SEL1L2: variants seen among roughly 807,000 people sequenced by gnomAD.
SEL1L2 encodes SEL1L2 adaptor subunit of SYVN1 ubiquitin ligase, also known as protein sel-1 homolog 2.
A neutral mutation model predicts 98.8 loss-of-function variants in SEL1L2; 89 were observed. The observed-to-expected ratio is 0.90, with a 90% CI of 0.76 to 1.07. The LOEUF is 1.07. SEL1L2 is among the 50% of genes least tolerant of loss of function. The pLI is 0.00. For missense variants in SEL1L2, 788 were observed against 812.0 expected, an observed-to-expected ratio of 0.97 and a Z score of 0.36; for synonymous variants, 262 against 278.5, an observed-to-expected ratio of 0.94 and a Z score of 0.59.
chr20:13,870,191 C>T lies in SEL1L2; in HGVS notation c.1117G>A (p.Gly373Ser), dbSNP rs982145207. 31 of 1,610,790 alleles carry T rather than the reference C, an allele frequency of 1.9e-5. No homozygotes were observed. The highest frequency in any genetic ancestry group is 4.5e-5 in the East Asian group (2 of 44,842). ...SMAASKGNAI[G>S]LHGLGLLYFH... ...TAAAGAAGACCAAGCCCATGAAGGC[C>T]GATTGCATTGCCCTAGAAGAGTTTT... Residue 373 changes from glycine (G) to serine (S), a missense_variant, in exon 13 of 20, where the codon GGC (glycine) becomes AGC (serine). Gly to Ser is a moderately conservative substitution (Grantham distance 56). Transcript: ENST00000284951.
chr20:13,881,569 T>C (rs1185805874), intron 10 of SEL1L2, among the ~76,000 whole-genome samples: 1 of 152,230 alleles, frequency 6.6e-6, no homozygotes, highest in African/African-American at 2.4e-5. Context: ...AATCTATGTG[T>C]AGAAAATCCA....
At chr20:13,956,701 T>A (rs2050557210) in intron 1 of SEL1L2, among the ~76,000 whole-genome samples, 1 of 152,046 alleles carries the variant, frequency 6.6e-6, no homozygotes, top group African/African-American at 2.4e-5. Context: ...TTATAAAGAC[T>A]ATATATATAT....
intron 2 of SEL1L2, among the ~76,000 whole-genome samples, chr20:13,936,500 A>G (rs1292056165): frequency 6.6e-6 from 1 of 152,152 alleles, no homozygotes; most frequent in African/African-American, 2.4e-5. Context: ...TGGCCTTTTG[A>G]GATGTCTTTT....
chr20:13,977,974 C>T (rs1395572297), intron 1 of SEL1L2, among the ~76,000 whole-genome samples: 2 of 152,104 alleles, frequency 1.3e-5, no homozygotes, highest in Non-Finnish European at 2.9e-5. Context: ...ATCCCAACAT[C>T]ATTTTTCACA....
rs572102730 is a variant in SEL1L2 at position 13,976,424 on chromosome 20, C to T, written c.58+14053G>A. 9.2e-4 allele frequency among the ~76,000 whole-genome samples: 140 copies of T among 152,114 alleles called. 4 individuals carry two copies. In the South Asian group the frequency reaches 0.028, roughly 30 times the overall value. On this transcript the variant is annotated intron_variant, in intron 1 of 19. Coordinates refer to ENST00000284951, the MANE Select transcript of SEL1L2 (RefSeq NM_025229.2). ...TTATGGCGGTGATGGGGAAGAAGAT[C>T]GGATGACAGCCCACTCCTGTTGACA...
chr20:13,893,367 CT>C (rs2047287222), intron 5 of SEL1L2, among the ~76,000 whole-genome samples: 1 of 152,136 alleles, frequency 6.6e-6, no homozygotes, highest in Admixed American at 6.5e-5. Context: ...CAGAGCAGCC[CT>C]ACTTATATCA....
intron 5 of SEL1L2, among the ~76,000 whole-genome samples, chr20:13,905,157 T>A (rs1351029128): frequency 1.3e-5 from 2 of 152,170 alleles, no homozygotes; most frequent in African/African-American, 4.8e-5. Flanking sequence ...AAACTAACAA[T>A]GGGTGATTTT....
chr20:13,903,297 T>C (rs1036600844), intron 5 of SEL1L2, among the ~76,000 whole-genome samples: 2 of 152,210 alleles, frequency 1.3e-5, no homozygotes, highest in African/African-American at 4.8e-5. Flanking sequence ...TGGTAGATGA[T>C]GATTTAGATC....
intron 1 of SEL1L2, among the ~76,000 whole-genome samples, chr20:13,961,670 C>T (rs1304338154): frequency 6.6e-6 from 1 of 152,136 alleles, no homozygotes; most frequent in Non-Finnish European, 1.5e-5. Context: ...CAAACATGGG[C>T]CATTTCTTAT....
intron 17 of SEL1L2, among the ~76,000 whole-genome samples, chr20:13,861,893 C>T (rs769268763): frequency 2.6e-5 from 4 of 152,190 alleles, no homozygotes; most frequent in Non-Finnish European, 4.4e-5. Flanking sequence ...GCGCCAATGC[C>T]ACTTCTCTCC....
chr20:13,978,002 GC>G (rs2051628557), intron 1 of SEL1L2, among the ~76,000 whole-genome samples: 1 of 151,916 alleles, frequency 6.6e-6, no homozygotes, highest in East Asian at 1.9e-4. Flanking sequence ...AAAAAAAACA[GC>G]CATTAATTTT....
intron 11 of SEL1L2, among the ~76,000 whole-genome samples, chr20:13,877,123 C>A (rs576993916): frequency 1.7e-4 from 26 of 152,280 alleles, no homozygotes; most frequent in East Asian, 3.9e-4. Context: ...CCGTGCCCGG[C>A]CAAGGTGCAC....
At chr20:13,901,071 C>CTTTTTTTTT (rs746353560) in intron 5 of SEL1L2, among the ~76,000 whole-genome samples, 4 of 133,302 alleles carry the variant, frequency 3.0e-5, no homozygotes, top group Non-Finnish European at 6.4e-5. Flanking sequence ...TTCTTTCTTT[C>CTTTTTTTTT]TTTCTTTTTT....
chr20:13,921,864 G>A (rs1409809712), intron 3 of SEL1L2, among the ~76,000 whole-genome samples: 1 of 151,980 alleles, frequency 6.6e-6, no homozygotes, highest in African/African-American at 2.4e-5. Context: ...TCATTTACTA[G>A]ATACCAACTA....
At chr20:13,961,769 C>A (rs896840145) in intron 1 of SEL1L2, among the ~76,000 whole-genome samples, 1 of 152,140 alleles carries the variant, frequency 6.6e-6, no homozygotes, top group Non-Finnish European at 1.5e-5. Context: ...GAACCACTTC[C>A]GGAGGGTAGA....
intron 2 of SEL1L2, among the ~76,000 whole-genome samples, chr20:13,935,574 A>G (rs1333617702): frequency 1.3e-5 from 2 of 152,192 alleles, no homozygotes; most frequent in African/African-American, 4.8e-5. Flanking sequence ...AAAGGCGCTG[A>G]AACAGGAACA....
chr20:13,863,111 G>C (rs894024053), intron 17 of SEL1L2, among the ~76,000 whole-genome samples: 7 of 152,194 alleles, frequency 4.6e-5, no homozygotes, highest in African/African-American at 1.4e-4. Context: ...GCCCAGAAAA[G>C]AGGCCCAAGG....
chr20:13,874,197 T>G (rs2046331215), intron 12 of SEL1L2, among the ~76,000 whole-genome samples: 1 of 152,208 alleles, frequency 6.6e-6, no homozygotes, highest in Non-Finnish European at 1.5e-5. Context: ...ATACAGTCAC[T>G]GTGCTTGTTT....
At chr20:13,852,564 G>C (rs1988447429) in intron 18 of SEL1L2, among the ~76,000 whole-genome samples, 1 of 152,182 alleles carries the variant, frequency 6.6e-6, no homozygotes, top group Admixed American at 6.5e-5. Context: ...CATTAAATGA[G>C]AAGTCCACTA....
Sources: gnomAD v4.1 joint callset for allele counts (sites outside exome capture counted in the v4.1 genomes callset) on GRCh38, gnomAD v4.1.1 for gene constraint, MANE v1.5 for transcripts, NCBI Gene and HGNC (gene_info 2026-07-23, HGNC 2026-07-21) for gene names.